The following TRAPPC12 variants were observed in gnomAD, a reference collection of about 807,000 sequenced individuals.
The protein encoded by TRAPPC12 is trafficking protein particle complex subunit 12, also known as TPR repeat protein 15.
TRAPPC12 carries 61 observed loss-of-function variants against 69.2 expected under a neutral mutation model. The ratio of observed to expected loss-of-function variants is 0.88; its 90% CI spans 0.72 to 1.09. The LOEUF (loss-of-function observed/expected upper bound fraction) is 1.09. Ranked by LOEUF, TRAPPC12 falls within the 50% of genes least tolerant of loss-of-function variation. The pLI is 0.00. For missense variants in TRAPPC12, 1,101 were observed against 1,016.4 expected (o/e 1.08, Z -1.13); for synonymous variants, 469 against 438.9 (o/e 1.07, Z -0.86).
chr2:3,479,308 C>T lies in TRAPPC12; in HGVS notation c.2055C>T (p.Pro685=). 6.2e-7 allele frequency: 1 copy of T among 1,614,196 alleles called. No homozygotes were observed. Among genetic ancestry groups the T allele is most frequent in the Non-Finnish European group, 8.5e-7 (1 of 1,180,042 alleles). ...RQLEAMVQQD[P]RHYLHESVLF... ...TGGAGGCCATGGTCCAGCAGGACCC[C>T]AGGCACTACCTGCACGAGAGCGTGC... is the stretch of plus-strand genomic sequence containing the variant. The change falls in exon 12 of 12, where the codon CCC becomes CCT. Residue 685 remains proline (P), a synonymous_variant. Coordinates refer to ENST00000324266, the MANE Select transcript of TRAPPC12 (RefSeq NM_016030.6).
intron 5 of TRAPPC12, among the ~76,000 whole-genome samples, chr2:3,432,448 A>C (rs1663493599): frequency 6.6e-6 from 1 of 152,238 alleles, no homozygotes; most frequent in African/African-American, 2.4e-5. Context: ...TCTCAAATTA[A>C]ATTCTGAAAC....
chr2:3,386,566 G>A (rs1465390399), intron 1 of TRAPPC12, among the ~76,000 whole-genome samples: 1 of 152,198 alleles, frequency 6.6e-6, no homozygotes, highest in Non-Finnish European at 1.5e-5. Context: ...AGTATGTGCG[G>A]ATAAATGTTA....
chr2:3,466,115 A>G (rs1037242594), intron 9 of TRAPPC12: 1 of 399,278 alleles, frequency 2.5e-6, no homozygotes, highest in East Asian at 7.2e-5. Flanking sequence ...TGGTCTCAGT[A>G]ATGCACAAAG....
At chr2:3,391,843 G>A (rs766608457) in intron 2 of TRAPPC12, among the ~76,000 whole-genome samples, 1 of 151,852 alleles carries the variant, frequency 6.6e-6, no homozygotes, top group Non-Finnish European at 1.5e-5. Context: ...TCTCTCTCGG[G>A]GTCTTTGTCC....
Position 3,387,963 on chromosome 2 carries a change from G to A in TRAPPC12, c.340G>A (p.Ala114Thr), listed in dbSNP as rs1379088486. 1.4e-6 allele frequency: 2 copies of A among 1,480,456 alleles called. No homozygotes were observed. The highest frequency in any genetic ancestry group is 2.7e-5 in the East Asian group (1 of 37,456). 91.7% of individuals were successfully genotyped at this position (1,480,456 alleles called of 1,614,324 possible). ...PAGTPSPSGE[A>T]DGDCAPEDAA... Reference sequence around the variant, plus strand: ...GGGCACCCCGAGTCCCAGCGGCGAGGCCGACGGCGACTGTGCCCCCGAGGA... The same window carrying A: ...GGGCACCCCGAGTCCCAGCGGCGAGACCGACGGCGACTGTGCCCCCGAGGA... The change falls in exon 2 of 12, where the codon GCC becomes ACC. Residue 114 changes from alanine to threonine, a missense_variant. Transcript: ENST00000324266.
Position 3,479,545 on chromosome 2 carries a change from C to T in TRAPPC12, c.*84C>T. On this transcript the variant is annotated 3_prime_UTR_variant, in exon 12 of 12. Coordinates refer to ENST00000324266, the MANE Select transcript of TRAPPC12 (RefSeq NM_016030.6). ...AATGTATTAATGTGACATGGAGGAA[C>T]TCAATAAAACTCCTGCTTCACTGGT... 6.6e-7 allele frequency: 1 copy of T among 1,506,914 alleles called. No homozygotes were observed. The highest frequency in any genetic ancestry group is 1.3e-5 in the South Asian group (1 of 78,266). The allele number at this position is 1,506,914 out of a possible 1,614,324, so 93.3% of individuals were successfully genotyped here. A position where few individuals can be genotyped will look rare whatever the true frequency, so the allele number is the denominator to read the frequency against.
chr2:3,456,385 G>A (rs971394881), intron 6 of TRAPPC12: 9 of 152,134 alleles, frequency 5.9e-5, no homozygotes, highest in East Asian at 1.9e-4. Context: ...AGATCACAGC[G>A]GCTACAGCAG....
At chr2:3,454,214 T>C (rs1665006910) in intron 6 of TRAPPC12, among the ~76,000 whole-genome samples, 1 of 152,150 alleles carries the variant, frequency 6.6e-6, no homozygotes, top group Admixed American at 6.6e-5. Flanking sequence ...GAGGGAGGGG[T>C]GTAGCCTGCC....
intron 9 of TRAPPC12, among the ~76,000 whole-genome samples, chr2:3,468,728 G>A: frequency 6.6e-6 from 1 of 152,198 alleles, no homozygotes; most frequent in South Asian, 2.1e-4. Context: ...TGGGCACGAG[G>A]CCCTCCAGGA....
chr2:3,410,292 T>G (rs1661990310), intron 3 of TRAPPC12, among the ~76,000 whole-genome samples: 1 of 152,206 alleles, frequency 6.6e-6, no homozygotes, highest in Non-Finnish European at 1.5e-5. Flanking sequence ...AACAAGAGCA[T>G]AAACATTTCT....
chr2:3,385,426 A>G (rs1660446714), intron 1 of TRAPPC12, among the ~76,000 whole-genome samples: 1 of 152,174 alleles, frequency 6.6e-6, no homozygotes, highest in South Asian at 2.1e-4. Context: ...TTAATTTACA[A>G]TTTATAAAGT....
chr2:3,459,596 T>C (rs1057386075), intron 7 of TRAPPC12, among the ~76,000 whole-genome samples: 9 of 151,964 alleles, frequency 5.9e-5, no homozygotes, highest in Non-Finnish European at 1.0e-4. Flanking sequence ...AACTAAATAA[T>C]GTGCAGGGGA....
At chr2:3,403,539 C>T (rs1428521007) in intron 3 of TRAPPC12, among the ~76,000 whole-genome samples, 7 of 152,138 alleles carry the variant, frequency 4.6e-5, no homozygotes, top group African/African-American at 1.7e-4. Context: ...CCAGATTTCA[C>T]CTATTTTAAG....
chr2:3,403,002 C>T (rs767478361), intron 3 of TRAPPC12, among the ~76,000 whole-genome samples: 4 of 152,116 alleles, frequency 2.6e-5, no homozygotes, highest in Admixed American at 1.3e-4. Context: ...TAAGTCCCAC[C>T]GGCTGTCTGA....
chr2:3,432,774 C>T (rs1663510261), intron 5 of TRAPPC12, among the ~76,000 whole-genome samples: 1 of 152,174 alleles, frequency 6.6e-6, no homozygotes, highest in South Asian at 2.1e-4. Context: ...GGGGAATTTT[C>T]AGTTTGGGGT....
chr2:3,474,593 C>G (rs986340433), intron 9 of TRAPPC12, among the ~76,000 whole-genome samples: 4 of 152,200 alleles, frequency 2.6e-5, no homozygotes, highest in African/African-American at 9.7e-5. Context: ...ATGTGTTGCT[C>G]TTAAGGTCGG....
chr2:3,404,183 A>G (rs1661603108), intron 3 of TRAPPC12, among the ~76,000 whole-genome samples: 1 of 152,176 alleles, frequency 6.6e-6, no homozygotes, highest in Non-Finnish European at 1.5e-5. Flanking sequence ...TTTCCGAAGC[A>G]TGGGTGGGGG....
At chr2:3,433,010 C>G (rs1399968141) in intron 5 of TRAPPC12, among the ~76,000 whole-genome samples, 2 of 152,140 alleles carry the variant, frequency 1.3e-5, no homozygotes, top group Non-Finnish European at 2.9e-5. Context: ...GTATTTTTTT[C>G]TCTTAGGACT....
chr2:3,448,604 C>G (rs1664651862), intron 6 of TRAPPC12, among the ~76,000 whole-genome samples: 1 of 137,140 alleles, frequency 7.3e-6, no homozygotes, highest in Non-Finnish European at 1.6e-5. Flanking sequence ...GCCGGTTACT[C>G]GAGGGTAGGG....
Sources: allele counts gnomAD v4.1 joint callset (sites outside exome capture counted in the v4.1 genomes callset), GRCh38; gene constraint gnomAD v4.1.1; transcripts MANE v1.5; gene names NCBI Gene and HGNC (gene_info 2026-07-23, HGNC 2026-07-21).